MAN2B1: variants seen among roughly 807,000 people sequenced by gnomAD.
The protein encoded by MAN2B1 is lysosomal alpha-mannosidase.
Under a neutral mutation model 127.5 loss-of-function variants are expected in MAN2B1, and 99 were observed. That is an observed-to-expected ratio of 0.78 (90% CI 0.66 to 0.92). The LOEUF (loss-of-function observed/expected upper bound fraction) is 0.92, where lower values mean the gene tolerates loss of function less well. MAN2B1 is among the 40% of genes least tolerant of loss of function. MAN2B1 has a pLI of 0.00. For missense variants in MAN2B1, 1,304 were observed against 1,384.8 expected (o/e 0.94, Z 0.93); for synonymous variants, 573 against 568.8 (o/e 1.01, Z -0.11).
rs1223376639 is a variant in MAN2B1 at position 12,648,335 on chromosome 19, C to A, written c.2504G>T (p.Gly835Val). Residue 835 changes from glycine (G) to valine (V), a missense_variant, in exon 21 of 24, where the codon GGG (glycine) becomes GTG (valine). Coordinates refer to ENST00000456935, the MANE Select transcript of MAN2B1 (RefSeq NM_000528.4). ...CAGGTGGCGCCCTCGCACCCACGCC[C>A]CCGACCCGTTCTCCATTAGTGGCTC... ...VSEPLMENGSGAWVRGRHLVL... is the reference protein window; with the variant it reads ...VSEPLMENGSVAWVRGRHLVL... 1 of 1,613,718 alleles carries A rather than the reference C, an allele frequency of 6.2e-7. No homozygotes were observed. Among genetic ancestry groups the A allele is most frequent in the African/African-American group, 1.3e-5 (1 of 74,924 alleles).
At position 12,665,342 on chromosome 19, in the gene MAN2B1, G is replaced by T; in HGVS notation, c.436+10C>A. On this transcript the variant is annotated intron_variant, in intron 3 of 23. Transcript: ENST00000456935. ...GGCTTCCTCTTTTCACTTCCTTGGGGTAGGCTCACCCTGGCGCACAAGGTC... is the reference window on the plus strand; with the variant it reads ...GGCTTCCTCTTTTCACTTCCTTGGGTTAGGCTCACCCTGGCGCACAAGGTC... The T allele has an allele frequency of 6.2e-7, 1 of 1,602,738 alleles. No homozygotes were observed. Among genetic ancestry groups the T allele is most frequent in the Non-Finnish European group, 8.5e-7 (1 of 1,179,940 alleles).
chr19:12,660,640 G>T (rs762859631), intron 7 of MAN2B1, among the ~76,000 whole-genome samples: 21 of 152,080 alleles, frequency 1.4e-4, no homozygotes, highest in Non-Finnish European at 2.8e-4. Flanking sequence ...TTTGAATGTG[G>T]GTAACTTCTA....
chr19:12,657,397 G>A, intron 11 of MAN2B1, 49 bp downstream of exon 11: 1 of 1,478,662 alleles, frequency 6.8e-7, no homozygotes, highest in Non-Finnish European at 9.2e-7. Context: ...CCCTGGCCCC[G>A]CCCCTTCCTG....
chr19:12,647,295 G>A lies in MAN2B1; in HGVS notation c.2861C>T (p.Thr954Ile). The change falls in exon 23 of 24, where the codon ACC (threonine) becomes ATC (isoleucine). Residue 954 changes from threonine (T) to isoleucine (I), a missense_variant. Physicochemically the swap from Thr to Ile is moderately conservative, Grantham distance 89 (BLOSUM62 -1). Coordinates refer to ENST00000456935, the MANE Select transcript of MAN2B1 (RefSeq NM_000528.4). This position sits in a 1 kb window ranked among gnomAD's most constrained non-coding sequence, Gnocchi z 4.9. ...GCGGAGCTGGTTGGCCACCAGCGTG[G>A]TCTCCTGCAGGCGGGTGATGGTGAA... ...STFTITRLQE[T>I]TLVANQLREA... 1 of 1,614,198 alleles carries A rather than the reference G, an allele frequency of 6.2e-7. No homozygotes were observed.
rs1216589911 is a variant in MAN2B1 at position 12,652,234 on chromosome 19, C to G, written c.1965G>C (p.Gln655His). 6.2e-7 allele frequency: 1 copy of G among 1,614,066 alleles called. No individual in the cohort carries two copies. Among genetic ancestry groups the G allele is most frequent in the East Asian group, 2.2e-5 (1 of 44,896 alleles). The change falls in exon 16 of 24, where the codon CAG (glutamine) becomes CAC (histidine). Residue 655 changes from glutamine (Q) to histidine (H), a missense_variant. Gln to His is a conservative substitution (Grantham distance 24). Coordinates refer to ENST00000456935, the MANE Select transcript of MAN2B1 (RefSeq NM_000528.4). ...NASIGDNESD[Q>H]ASGAYIFRPN... ...GTCTGAAGATGTAGGCACCTGAGGC[C>G]TGGTCACTTTCGTTGTCACCTATAC...
At chr19:12,651,065 G>C (rs907672174) in intron 16 of MAN2B1, among the ~76,000 whole-genome samples, 1 of 149,714 alleles carries the variant, frequency 6.7e-6, no homozygotes, top group Admixed American at 6.7e-5. Flanking sequence ...TATGCTCAGC[G>C]ATCCTCCTGC....
intron 14 of MAN2B1, among the ~76,000 whole-genome samples, chr19:12,652,894 G>T (rs1243121010): frequency 6.7e-6 from 1 of 149,026 alleles, no homozygotes; most frequent in African/African-American, 2.5e-5. Context: ...GAGTGCAGGG[G>T]CGCAATCTCT....
At chr19:12,650,973 CTTT>C (rs60721799) in intron 16 of MAN2B1, among the ~76,000 whole-genome samples, 16 of 130,236 alleles carry the variant, frequency 1.2e-4, no homozygotes, top group South Asian at 2.5e-4. Flanking sequence ...CACCCGGCCT[CTTT>C]TTTTTTTTTT....
At chr19:12,658,039 TC>T (rs766377612) in intron 10 of MAN2B1, 23 bp downstream of exon 10, 2 of 1,603,932 alleles carry the variant, frequency 1.2e-6, no homozygotes, top group Non-Finnish European at 1.7e-6. Context: ...GCAAACCTCT[TC>T]CCCTCTTGGG....
At chr19:12,663,070 A>T (rs917987202) in intron 6 of MAN2B1, among the ~76,000 whole-genome samples, 2 of 152,076 alleles carry the variant, frequency 1.3e-5, no homozygotes, top group African/African-American at 4.8e-5. Context: ...GTTTGAGACC[A>T]GCCTGGACAA....
At chr19:12,657,257 C>CA in intron 11 of MAN2B1, 189 bp downstream of exon 11, 1 of 704,554 alleles carries the variant, frequency 1.4e-6, no homozygotes, top group Non-Finnish European at 2.6e-6. Flanking sequence ...GCCTCCTTCC[C>CA]CCCTCCAAAG....
intron 10 of MAN2B1, 72 bp from the exon 11 acceptor site, chr19:12,657,627 C>T (rs1018853756): frequency 2.2e-5 from 28 of 1,294,756 alleles, no homozygotes; most frequent in Admixed American, 3.9e-5. Flanking sequence ...GCGAAAGGTC[C>T]GGTGCTGGCG....
chr19:12,663,092 C>T (rs1293853891), intron 6 of MAN2B1, among the ~76,000 whole-genome samples: 3 of 151,264 alleles, frequency 2.0e-5, no homozygotes, highest in Admixed American at 6.6e-5. Context: ...ATGATGAGAC[C>T]CCAGTGCAAA....
chr19:12,650,361 T>A, intron 16 of MAN2B1, 139 bp from the exon 17 acceptor site: 1 of 488,150 alleles, frequency 2.0e-6, no homozygotes. Flanking sequence ...ATAATTCTTT[T>A]TTTTTTTTTT....
rs770297337 is a variant in MAN2B1, at chr19:12,664,860, GC to G, written c.561del (p.Arg188AspfsTer58). On this transcript the variant is annotated frameshift_variant, in exon 4 of 24. Coordinates refer to ENST00000456935, the MANE Select transcript of MAN2B1 (RefSeq NM_000528.4). LOFTEE classifies it high-confidence loss of function. ...RFLEDTFGND[G>X]RPRVAWHIDP... ...TCAATGTGCCAGGCCACACGGGGTC[GC>G]CCATCATTGCCAAATGTGTCCTCCA... 4 of 1,613,924 alleles carry G rather than the reference GC, an allele frequency of 2.5e-6. No individual in the cohort carries two copies. Among genetic ancestry groups the G allele is most frequent in the Non-Finnish European group, 3.4e-6 (4 of 1,179,926 alleles).
intron 11 of MAN2B1, 80 bp from the exon 12 acceptor site, chr19:12,657,136 C>G: frequency 3.4e-6 from 3 of 871,488 alleles, no homozygotes; most frequent in Non-Finnish European, 5.6e-6. Flanking sequence ...CCGCCCCGTT[C>G]CGGTCTCTGT....
chr19:12,649,428 C>T lies in MAN2B1; in HGVS notation c.2268G>A (p.Arg756=), dbSNP rs202011901. 3.8e-6 allele frequency: 6 copies of T among 1,593,016 alleles called. No homozygotes were observed. The highest frequency in any genetic ancestry group is 2.3e-5 in the East Asian group (1 of 43,494). The change falls in exon 19 of 24, where the codon AGG becomes AGA. Residue 756 remains arginine (R), a splice_region_variant and synonymous_variant. Coordinates refer to ENST00000456935, the MANE Select transcript of MAN2B1 (RefSeq NM_000528.4). The part of the protein sequence containing the change: ...DSNGREILER[R]RDYRPTWKLN... ...GTTTCCAGGTGGGTCGATAATCCCG[C>T]CTGGGGTTGGGGGTGAGCTGATCAG...
At chr19:12,656,892 C>A in intron 12 of MAN2B1, 57 bp downstream of exon 12, 1 of 1,400,198 alleles carries the variant, frequency 7.1e-7, no homozygotes, top group Non-Finnish European at 1.0e-6. Context: ...AAACATTTTC[C>A]AACTACCCCC....
Position 12,647,900 on chromosome 19 carries a change from G to A in MAN2B1, c.2664+275C>T, listed in dbSNP as rs1333190607. Among the ~76,000 whole-genome samples the A allele has an allele frequency of 6.6e-6, 1 of 152,028 alleles. No homozygotes were observed. Among genetic ancestry groups the A allele is most frequent in the Admixed American group, 6.6e-5 (1 of 15,262 alleles). On this transcript the variant is annotated intron_variant, in intron 21 of 23. Transcript: ENST00000456935. The surrounding 1 kb of genome is among the most constrained non-coding windows in gnomAD (Gnocchi z 4.9). Reference sequence around the variant, plus strand: ...TGGGTGAGGCAGGACAGAGCCTGGGGGCGGTGAGAGGGCGGGGCTAAAGTG... The same window carrying A: ...TGGGTGAGGCAGGACAGAGCCTGGGAGCGGTGAGAGGGCGGGGCTAAAGTG...
Sources: allele counts gnomAD v4.1 joint callset (sites outside exome capture counted in the v4.1 genomes callset), GRCh38; gene constraint gnomAD v4.1.1; non-coding constraint Gnocchi (gnomAD v3.1); transcripts MANE v1.5; gene names NCBI Gene and HGNC (gene_info 2026-07-23, HGNC 2026-07-21).